The following SCCPDH variants were observed in gnomAD, a reference collection of about 807,000 sequenced individuals.
The protein encoded by SCCPDH is saccharopine dehydrogenase-like oxidoreductase.
A neutral mutation model predicts 51.5 loss-of-function variants in SCCPDH; 34 were observed. That is an observed-to-expected ratio of 0.66 (90% CI 0.50 to 0.88). The LOEUF (loss-of-function observed/expected upper bound fraction) is 0.88. Among genes scored for constraint, SCCPDH ranks in the 40% least tolerant of loss-of-function variants. The pLI is 0.00. For synonymous variants in SCCPDH, 187 were observed against 191.3 expected (o/e 0.98, Z 0.19); for missense variants, 464 against 527.1 (o/e 0.88, Z 1.17).
chr1:246,766,039 G>A lies in SCCPDH; in HGVS notation c.1103-19G>A. ...CTTCATGATTCCTTTCTTTTTCCCT[G>A]ATCAACTGTTTTCTGCAGAGGCTGG... On this transcript the variant is annotated intron_variant, in intron 10 of 11. Transcript: ENST00000366510. The A allele has an allele frequency of 6.4e-7, 1 of 1,556,550 alleles. No individual in the cohort carries two copies. The highest frequency in any genetic ancestry group is 8.8e-7 in the Non-Finnish European group (1 of 1,142,488).
intron 5 of SCCPDH, among the ~76,000 whole-genome samples, chr1:246,753,934 A>T (rs1397029621): frequency 6.6e-6 from 1 of 151,680 alleles, no homozygotes; most frequent in Non-Finnish European, 1.5e-5. Flanking sequence ...TGGTCCTTTC[A>T]TTATCCTTCT....
chr1:246,734,100 G>C (rs565088782), intron 2 of SCCPDH, among the ~76,000 whole-genome samples: 1 of 152,326 alleles, frequency 6.6e-6, no homozygotes, highest in East Asian at 1.9e-4. Flanking sequence ...CAGAAAGCCT[G>C]ATTCTGGGGG....
intron 5 of SCCPDH, among the ~76,000 whole-genome samples, chr1:246,753,597 T>G (rs576991339): frequency 1.3e-5 from 2 of 152,188 alleles, no homozygotes; most frequent in African/African-American, 4.8e-5. Context: ...CTTGAGGGGC[T>G]GCATTGTTAT....
intron 2 of SCCPDH, among the ~76,000 whole-genome samples, chr1:246,727,324 A>AT (rs1226492054): frequency 2.6e-5 from 4 of 151,844 alleles, no homozygotes; most frequent in African/African-American, 9.7e-5. Flanking sequence ...TCCCTAGTAT[A>AT]TTTTTTATTT....
chr1:246,736,041 A>G lies in SCCPDH; in HGVS notation c.370A>G (p.Ser124Gly). 1.2e-6 allele frequency: 2 copies of G among 1,610,288 alleles called. No individual in the cohort carries two copies. The highest frequency in any genetic ancestry group is 1.1e-5 in the South Asian group (1 of 90,742). The change falls in exon 3 of 12, where the codon AGT (serine) becomes GGT (glycine). Residue 124 changes from serine to glycine, a missense_variant. Ser to Gly is a moderately conservative substitution (Grantham distance 56). Transcript: ENST00000366510. ...AAATGGAGCCAGTTGTATCGACATC[A>G]GTGGAGAACCTCAGGTATAAAAAAT... is the stretch of plus-strand genomic sequence containing the variant. ...IENGASCIDISGEPQFLELMQ... is the reference protein window; with the variant it reads ...IENGASCIDIGGEPQFLELMQ...
chr1:246,763,772 C>A (rs960206626), intron 9 of SCCPDH, among the ~76,000 whole-genome samples: 3 of 152,088 alleles, frequency 2.0e-5, no homozygotes, highest in Non-Finnish European at 4.4e-5. Context: ...TGATTGAATT[C>A]TTTATCACCT....
intron 2 of SCCPDH, among the ~76,000 whole-genome samples, chr1:246,731,671 A>T (rs1012224977): frequency 6.6e-6 from 1 of 152,216 alleles, no homozygotes; most frequent in Non-Finnish European, 1.5e-5. Flanking sequence ...TTTCTGTGAC[A>T]TGCTAAGAAA....
At chr1:246,742,025 C>T (rs1437696546) in intron 4 of SCCPDH, among the ~76,000 whole-genome samples, 1 of 152,168 alleles carries the variant, frequency 6.6e-6, no homozygotes, top group African/African-American at 2.4e-5. Context: ...GCTGAGATCG[C>T]GCTGTTGCAC....
At chr1:246,743,581 C>CA (rs530930261) in intron 4 of SCCPDH, among the ~76,000 whole-genome samples, 9,425 of 135,656 alleles carry the variant, frequency 0.069, 466 homozygotes, top group East Asian at 0.18. Context: ...GACTCTGTCT[C>CA]AAAAAAAAAA....
intron 3 of SCCPDH, 89 bp downstream of exon 3, chr1:246,736,144 A>G: frequency 1.2e-6 from 1 of 835,660 alleles, no homozygotes. Flanking sequence ...TTGCAGACAT[A>G]TTTAGAAGCC....
At chr1:246,737,475 C>T (rs1191526579) in intron 3 of SCCPDH, among the ~76,000 whole-genome samples, 1 of 152,092 alleles carries the variant, frequency 6.6e-6, no homozygotes, top group Non-Finnish European at 1.5e-5. Flanking sequence ...TAGTGAGACC[C>T]TGTCTCCAAA....
chr1:246,762,522 C>T (rs1331826882), intron 9 of SCCPDH, among the ~76,000 whole-genome samples: 1 of 152,142 alleles, frequency 6.6e-6, no homozygotes, highest in East Asian at 1.9e-4. Flanking sequence ...ACTGCTTTGG[C>T]AGTGATTCTT....
rs1400835913 is a variant in SCCPDH at position 246,750,859 on chromosome 1, A to T, written c.564+6734A>T. On this transcript the variant is annotated intron_variant, in intron 5 of 11. Coordinates refer to ENST00000366510, the MANE Select transcript of SCCPDH (RefSeq NM_016002.3). The stretch of plus-strand genomic sequence containing the variant: ...GCCTTAAGCCTGGACTCCTTCCCCC[A>T]AGGGGTAATCTTTTTATAGTTTGTT... Among the ~76,000 whole-genome samples the T allele has an allele frequency of 5.3e-5, 8 of 152,212 alleles. No individual in the cohort carries two copies. In the East Asian group the frequency reaches 1.5e-3, roughly 29 times the overall value.
intron 5 of SCCPDH, among the ~76,000 whole-genome samples, 188 bp downstream of exon 5, chr1:246,744,313 A>T (rs1412639771): frequency 6.6e-6 from 1 of 151,362 alleles, no homozygotes; most frequent in Non-Finnish European, 1.5e-5. Flanking sequence ...ATTTTATTTT[A>T]TTTTATTTAT....
chr1:246,744,086 T>G lies in SCCPDH; in HGVS notation c.525T>G (p.Thr175=). The change falls in exon 5 of 12, where the codon ACT becomes ACG. Residue 175 remains threonine (T), a synonymous_variant. Coordinates refer to ENST00000366510, the MANE Select transcript of SCCPDH (RefSeq NM_016002.3). ...CTCCTACTCTTTTAGGTACTTTGACTGCTGTGGAAAGTTTCCTGACTATAC... is the reference window on the plus strand; with the variant it reads ...CTCCTACTCTTTTAGGTACTTTGACGGCTGTGGAAAGTTTCCTGACTATAC... ...YTRNKMNGTL[T]AVESFLTIHS... 2.5e-6 allele frequency: 4 copies of G among 1,599,300 alleles called. No homozygotes were observed. Among genetic ancestry groups the G allele is most frequent in the Non-Finnish European group, 3.4e-6 (4 of 1,168,478 alleles).
intron 2 of SCCPDH, among the ~76,000 whole-genome samples, chr1:246,729,385 C>G (rs1294641974): frequency 6.7e-6 from 1 of 149,566 alleles, no homozygotes; most frequent in African/African-American, 2.4e-5. Flanking sequence ...GACAGACACT[C>G]CCAGAGCGGC....
At chr1:246,761,528 A>C (rs1298205867) in intron 9 of SCCPDH, among the ~76,000 whole-genome samples, 1 of 151,730 alleles carries the variant, frequency 6.6e-6, no homozygotes, top group Non-Finnish European at 1.5e-5. Flanking sequence ...CACAACTGAA[A>C]CTCTACACCC....
intron 5 of SCCPDH, among the ~76,000 whole-genome samples, chr1:246,753,294 T>C (rs1406189813): frequency 1.2e-4 from 18 of 152,192 alleles, no homozygotes; most frequent in Admixed American, 3.9e-4. Context: ...CATACACTTT[T>C]TGGGCTTCTC....
intron 5 of SCCPDH, among the ~76,000 whole-genome samples, chr1:246,753,656 C>G (rs531312287): frequency 1.4e-3 from 212 of 152,124 alleles, no homozygotes; most frequent in African/African-American, 5.0e-3. Context: ...GCTGTAGGAA[C>G]GTTTTGGCCA....
Sources: gnomAD v4.1 joint callset for allele counts (sites outside exome capture counted in the v4.1 genomes callset) on GRCh38, gnomAD v4.1.1 for gene constraint, MANE v1.5 for transcripts, NCBI Gene and HGNC (gene_info 2026-07-23, HGNC 2026-07-21) for gene names.